ZNF33A: variants seen among roughly 807,000 people sequenced by gnomAD.
The protein encoded by ZNF33A is zinc finger protein 33A, also known as brain my041 protein.
Under a neutral mutation model 15.9 loss-of-function variants are expected in ZNF33A, and 9 were observed. The ratio of observed to expected loss-of-function variants is 0.57; its 90% CI spans 0.34 to 0.99. The LOEUF is 0.99. Ranked by LOEUF, ZNF33A falls within the 50% of genes least tolerant of loss-of-function variation. ZNF33A has a pLI of 0.02. For missense variants in ZNF33A, 843 were observed against 941.6 expected (o/e 0.90, Z 1.37); for synonymous variants, 294 against 324.2 (o/e 0.91, Z 1.00).
intron 4 of ZNF33A, among the ~76,000 whole-genome samples, chr10:38,051,737 C>T (rs1220952038): frequency 6.6e-6 from 1 of 151,804 alleles, no homozygotes; most frequent in East Asian, 1.9e-4. Flanking sequence ...AAGAAAAAAG[C>T]ATAATTTATT....
At chr10:38,039,302 C>T (rs2065591786) in intron 4 of ZNF33A, 1 of 368,094 alleles carries the variant, frequency 2.7e-6, no homozygotes, top group Admixed American at 3.2e-5. Flanking sequence ...TGGCTCACTG[C>T]AGCCTGACTT....
Position 38,056,149 on chromosome 10 carries a change from T to C in ZNF33A, c.2025T>C (p.Cys675=). The part of the protein sequence containing the change: ...YKCNECGKSF[C]VKSGLIFHER... ...GTAATGAATGTGGAAAATCTTTCTGTGTAAAATCAGGACTTATTTTCCATG... is the reference window on the plus strand; with the variant it reads ...GTAATGAATGTGGAAAATCTTTCTGCGTAAAATCAGGACTTATTTTCCATG... Residue 675 remains cysteine (C), a synonymous_variant, in exon 5 of 5, where the codon TGT becomes TGC. Coordinates refer to ENST00000432900, the MANE Select transcript of ZNF33A (RefSeq NM_006954.2). 2 of 1,614,026 alleles carry C rather than the reference T, an allele frequency of 1.2e-6. No individual in the cohort carries two copies. The highest frequency in any genetic ancestry group is 8.5e-7 in the Non-Finnish European group (1 of 1,179,984).
intron 4 of ZNF33A, among the ~76,000 whole-genome samples, chr10:38,018,305 T>C (rs2064561929): frequency 6.6e-6 from 1 of 152,116 alleles, no homozygotes; most frequent in Non-Finnish European, 1.5e-5. Flanking sequence ...GAAATGACTG[T>C]GTGAGCCATG....
At chr10:38,047,653 A>G (rs1244531693) in intron 4 of ZNF33A, among the ~76,000 whole-genome samples, 1 of 120,176 alleles carries the variant, frequency 8.3e-6, no homozygotes, top group Non-Finnish European at 1.7e-5. Flanking sequence ...AAAAAAAAAA[A>G]AAAAAAAAAA....
In ZNF33A at chr10:38,055,286, A is replaced by T. The variant is rs1345227022; in HGVS notation, c.1162A>T (p.Asn388Tyr). The T allele has an allele frequency of 3.7e-6, 6 of 1,613,242 alleles. No individual in the cohort carries two copies. In the African/African-American group the frequency reaches 8.0e-5, roughly 22 times the overall value. The change falls in exon 5 of 5, where the codon AAT becomes TAT. Residue 388 changes from asparagine (N) to tyrosine (Y), a missense_variant. By Grantham distance (143) the Asn-to-Tyr change is moderately radical. Coordinates refer to ENST00000432900, the MANE Select transcript of ZNF33A (RefSeq NM_006954.2). ...CACAGGGGAGAAACCTTTTGAATGC[A>T]ATGAATGTGGGAAAGCCTTTAGCCA... Reference protein sequence around the residue: ...SHTGEKPFECNECGKAFSHKS... With the variant: ...SHTGEKPFECYECGKAFSHKS...
intron 4 of ZNF33A, among the ~76,000 whole-genome samples, chr10:38,030,280 T>C (rs2065156024): frequency 6.6e-6 from 1 of 152,242 alleles, no homozygotes; most frequent in Admixed American, 6.5e-5. Flanking sequence ...TAAAAACTTA[T>C]GTTCCATCAA....
rs34592998 is a variant in ZNF33A, at chr10:38,010,703, G to A, written c.-125G>A. 11 of 1,598,122 alleles carry A rather than the reference G, an allele frequency of 6.9e-6. No individual in the cohort carries two copies. In the Admixed American group the frequency reaches 1.8e-4, roughly 27 times the overall value. ...TCCGCCTTTCCTTTTGTTTTTCTCA[G>A]GTTTTGCGTGGGAGGCGGTCCCGGG... On this transcript the variant is annotated 5_prime_UTR_variant, in exon 1 of 5. Transcript: ENST00000432900.
intron 4 of ZNF33A, among the ~76,000 whole-genome samples, chr10:38,023,341 T>C (rs2064840591): frequency 6.6e-6 from 1 of 152,184 alleles, no homozygotes. Flanking sequence ...ATACCTCTCA[T>C]AAATTTAGTA....
intron 4 of ZNF33A, among the ~76,000 whole-genome samples, chr10:38,036,146 A>G (rs941954543): frequency 2.6e-5 from 4 of 152,192 alleles, no homozygotes; most frequent in African/African-American, 9.7e-5. Context: ...GAGTTTGGAA[A>G]TCAATTAATG....
At chr10:38,052,842 C>T (rs2066268915) in intron 4 of ZNF33A, among the ~76,000 whole-genome samples, 1 of 151,842 alleles carries the variant, frequency 6.6e-6, no homozygotes. Flanking sequence ...GAACATTTTT[C>T]CCAGGTTCAT....
At chr10:38,020,025 A>G (rs2135560814) in intron 4 of ZNF33A, among the ~76,000 whole-genome samples, 3 of 152,328 alleles carry the variant, frequency 2.0e-5, no homozygotes, top group Admixed American at 2.0e-4. Flanking sequence ...TATACCTAGA[A>G]CAACTACTGA....
In ZNF33A at chr10:38,059,697, A is replaced by T. The variant is rs1172315140; in HGVS notation, c.*3137A>T. 2 of 152,218 alleles carry T rather than the reference A, an allele frequency of 1.3e-5. No individual in the cohort carries two copies. The allele number at this position is 152,218 out of a possible 1,614,324, so 9.4% of individuals were successfully genotyped here. ...CCAGTGAAAGGACCAGTGGTTGCTG[A>T]GAGTTGAGGGGAAAGGAGGGATGGC... On this transcript the variant is annotated 3_prime_UTR_variant, in exon 5 of 5. Coordinates refer to ENST00000432900, the MANE Select transcript of ZNF33A (RefSeq NM_006954.2).
intron 4 of ZNF33A, among the ~76,000 whole-genome samples, chr10:38,028,539 C>T (rs2065080844): frequency 6.6e-6 from 1 of 151,756 alleles, no homozygotes; most frequent in African/African-American, 2.4e-5. Context: ...ACGATCTTGG[C>T]TCACTGCAAC....
intron 4 of ZNF33A, among the ~76,000 whole-genome samples, chr10:38,020,139 G>C (rs2064671218): frequency 6.6e-6 from 1 of 152,016 alleles, no homozygotes; most frequent in African/African-American, 2.4e-5. Flanking sequence ...CAGCCTAACA[G>C]AGCAATATTT....
upstream of ZNF33A, chr10:38,010,572 G>C: frequency 1.2e-5 from 10 of 868,482 alleles, no homozygotes; most frequent in Non-Finnish European, 1.7e-5. Context: ...CCGAAGGGCT[G>C]CTCGCCCGGC....
chr10:38,048,879 A>G (rs1221458723), intron 4 of ZNF33A, among the ~76,000 whole-genome samples: 1 of 152,182 alleles, frequency 6.6e-6, no homozygotes, highest in Non-Finnish European at 1.5e-5. Flanking sequence ...GAGCAAAGAT[A>G]TAATAGACTT....
intron 4 of ZNF33A, among the ~76,000 whole-genome samples, chr10:38,049,003 G>A (rs1238106868): frequency 6.6e-6 from 1 of 151,910 alleles, no homozygotes; most frequent in African/African-American, 2.4e-5. Flanking sequence ...TATTAACAAA[G>A]GTAAATCACA....
rs1480562047 is a variant in ZNF33A at position 38,056,151 on chromosome 10, T to TA, written c.2031dup (p.Ser678IlefsTer7). 1.2e-6 allele frequency: 2 copies of TA among 1,613,552 alleles called. No individual in the cohort carries two copies. Among genetic ancestry groups the TA allele is most frequent in the African/African-American group, 2.7e-5 (2 of 74,764 alleles). On this transcript the variant is annotated frameshift_variant, in exon 5 of 5. Transcript: ENST00000432900. LOFTEE classifies it low-confidence loss of function (END_TRUNC). ...AATGAATGTGGAAAATCTTTCTGTG[T>TA]AAAATCAGGACTTATTTTCCATGAG...
chr10:38,064,276 G>T, downstream of ZNF33A: 2 of 644,926 alleles, frequency 3.1e-6, 1 homozygote, highest in South Asian at 4.4e-5. Flanking sequence ...CAGCATTCTT[G>T]CAACAAATCT....
Sources: allele counts gnomAD v4.1 joint callset (sites outside exome capture counted in the v4.1 genomes callset), GRCh38; gene constraint gnomAD v4.1.1; transcripts MANE v1.5; gene names NCBI Gene and HGNC (gene_info 2026-07-23, HGNC 2026-07-21).